The following RALYL variants were observed in gnomAD, a reference collection of about 807,000 sequenced individuals.
RALYL encodes the protein RNA-binding Raly-like protein.
A neutral mutation model predicts 35.1 loss-of-function variants in RALYL; 29 were observed. The observed-to-expected ratio is 0.83, with a 90% confidence interval of 0.61 to 1.13. The LOEUF is 1.13. Ranked by LOEUF, RALYL falls within the 50% of genes most tolerant of loss-of-function variation. The pLI, the probability that RALYL is intolerant of heterozygous loss-of-function variation, is 0.00. For synonymous variants in RALYL, 120 were observed against 127.6 expected, an observed-to-expected ratio of 0.94 and a Z score of 0.40; for missense variants, 359 against 360.4, an observed-to-expected ratio of 1.00 and a Z score of 0.03.
At chr8:84,843,202 G>T (rs1395283909) in intron 4 of RALYL, among the ~76,000 whole-genome samples, 1 of 152,148 alleles carries the variant, frequency 6.6e-6, no homozygotes, top group Non-Finnish European at 1.5e-5. Flanking sequence ...TGACATGATT[G>T]TATATCTAGA....
chr8:84,220,872 TTTA>T (rs1186754228), intron 1 of RALYL, among the ~76,000 whole-genome samples: 1 of 151,952 alleles, frequency 6.6e-6, no homozygotes, highest in Non-Finnish European at 1.5e-5. Flanking sequence ...ATATATTTAC[TTTA>T]TTAATATAAA....
chr8:84,645,721 A>G (rs574916956), intron 2 of RALYL, among the ~76,000 whole-genome samples: 72 of 152,180 alleles, frequency 4.7e-4, no homozygotes, highest in African/African-American at 1.6e-3. Flanking sequence ...AGGACACATA[A>G]GTGTGTGTTT....
At chr8:84,586,853 T>C (rs558953637) in intron 2 of RALYL, among the ~76,000 whole-genome samples, 2 of 152,308 alleles carry the variant, frequency 1.3e-5, no homozygotes, top group Admixed American at 1.3e-4. Flanking sequence ...CAACCATTGC[T>C]AAAGCACCAT....
intron 8 of RALYL, among the ~76,000 whole-genome samples, chr8:84,891,594 A>G (rs1339181047): frequency 6.6e-6 from 1 of 152,174 alleles, no homozygotes; most frequent in Non-Finnish European, 1.5e-5. Context: ...CCCTGGTATT[A>G]TCATTGGAGG....
chr8:84,752,160 G>A (rs1458398550), intron 2 of RALYL, among the ~76,000 whole-genome samples: 1 of 152,196 alleles, frequency 6.6e-6, no homozygotes, highest in South Asian at 2.1e-4. Flanking sequence ...ATTGGGAAGT[G>A]GAGCAAAGGT....
At chr8:84,687,506 T>A (rs1176598868) in intron 2 of RALYL, among the ~76,000 whole-genome samples, 2 of 152,116 alleles carry the variant, frequency 1.3e-5, no homozygotes, top group Non-Finnish European at 2.9e-5. Context: ...TTTATTATAG[T>A]TTCCGATCCT....
intron 2 of RALYL, among the ~76,000 whole-genome samples, chr8:84,753,579 G>A (rs1358012034): frequency 1.3e-5 from 2 of 152,120 alleles, no homozygotes; most frequent in African/African-American, 4.8e-5. Flanking sequence ...TGGATCATGG[G>A]GATGGCAGAT....
chr8:84,470,128 C>G (rs1272648504), intron 1 of RALYL, among the ~76,000 whole-genome samples: 2 of 152,206 alleles, frequency 1.3e-5, no homozygotes, highest in African/African-American at 4.8e-5. Context: ...GAGCTGTAGA[C>G]AGGAGCTGTT....
At chr8:84,196,291 A>T (rs1815255269) in intron 1 of RALYL, among the ~76,000 whole-genome samples, 1 of 152,170 alleles carries the variant, frequency 6.6e-6, no homozygotes, top group Non-Finnish European at 1.5e-5. Context: ...AGAGGGGAGA[A>T]AGGAAATGGA....
intron 1 of RALYL, among the ~76,000 whole-genome samples, chr8:84,424,019 T>A (rs1053601781): frequency 1.3e-5 from 2 of 151,946 alleles, no homozygotes; most frequent in African/African-American, 4.8e-5. Flanking sequence ...AATCTGACAA[T>A]TATGTGTCTT....
intron 1 of RALYL, among the ~76,000 whole-genome samples, chr8:84,508,803 C>G (rs2057378639): frequency 6.6e-6 from 1 of 151,860 alleles, no homozygotes; most frequent in Non-Finnish European, 1.5e-5. Flanking sequence ...CAGACTTCTG[C>G]TATTCCCCTT....
chr8:84,361,879 TAGA>T, intron 1 of RALYL, among the ~76,000 whole-genome samples: 1 of 152,284 alleles, frequency 6.6e-6, no homozygotes, highest in East Asian at 1.9e-4. Flanking sequence ...GTTGGTGTAG[TAGA>T]AGAAGCCCCT....
At chr8:84,752,245 T>G (rs534140936) in intron 2 of RALYL, among the ~76,000 whole-genome samples, 7 of 152,226 alleles carry the variant, frequency 4.6e-5, no homozygotes, top group Admixed American at 1.3e-4. Context: ...ACTTTGAACT[T>G]GAGAGTGATG....
At chr8:84,356,072 G>T (rs1364229498) in intron 1 of RALYL, among the ~76,000 whole-genome samples, 1 of 149,978 alleles carries the variant, frequency 6.7e-6, no homozygotes, top group Admixed American at 6.6e-5. Context: ...CTGCCACCTT[G>T]TGAAGAAGGT....
Position 84,862,350 on chromosome 8 carries a change from G to A in RALYL, c.468G>A (p.Leu156=), listed in dbSNP as rs539807503. 6.2e-7 allele frequency: 1 copy of A among 1,605,376 alleles called. No individual in the cohort carries two copies. Among genetic ancestry groups the A allele is most frequent in the South Asian group, 1.1e-5 (1 of 89,678 alleles). The change falls in exon 6 of 9, where the codon CTG becomes CTA. Residue 156 remains leucine, a synonymous_variant. Transcript: ENST00000521268. ...VPPPPRAVIP[L]KRPRVAVTTT... ...CACCTCCCCGTGCAGTAATTCCGCT[G>A]AAGCGTCCCAGAGTGGCAGTCACAA... is the stretch of plus-strand genomic sequence containing the variant.
intron 2 of RALYL, among the ~76,000 whole-genome samples, chr8:84,622,030 A>G (rs559142716): frequency 2.6e-5 from 4 of 152,352 alleles, no homozygotes; most frequent in Non-Finnish European, 5.9e-5. Flanking sequence ...CAATAATTTA[A>G]CTTAAATGTT....
chr8:84,808,587 C>A (rs1825213320), intron 4 of RALYL, among the ~76,000 whole-genome samples: 1 of 152,026 alleles, frequency 6.6e-6, no homozygotes, highest in African/African-American at 2.4e-5. Flanking sequence ...TTGTAGATTG[C>A]TTTTGGCAGT....
Position 84,223,058 on chromosome 8 carries a change from C to G in RALYL, c.-24+38634C>G, listed in dbSNP as rs187432383. Among the ~76,000 whole-genome samples the G allele has an allele frequency of 5.9e-3, 901 of 151,720 alleles. 3 individuals are homozygous for G. Among genetic ancestry groups the G allele is most frequent in the South Asian group, 0.013 (60 of 4,778 alleles). Reference sequence around the variant, plus strand: ...GGAAATGAGTCTTCTTATCTTGCTTCCCTTTCTCTCTCCCTTTGCCCTGCC... The same window carrying G: ...GGAAATGAGTCTTCTTATCTTGCTTGCCTTTCTCTCTCCCTTTGCCCTGCC... On this transcript the variant is annotated intron_variant, in intron 1 of 8. Coordinates refer to ENST00000521268, the MANE Select transcript of RALYL (RefSeq NM_173848.7).
At chr8:84,547,503 C>T (rs1233423859) in intron 2 of RALYL, among the ~76,000 whole-genome samples, 1 of 151,942 alleles carries the variant, frequency 6.6e-6, no homozygotes, top group Non-Finnish European at 1.5e-5. Context: ...CCTCAGCCTC[C>T]CGAGGAGCTG....
Sources: gnomAD v4.1 joint callset for allele counts (sites outside exome capture counted in the v4.1 genomes callset) on GRCh38, gnomAD v4.1.1 for gene constraint, MANE v1.5 for transcripts, NCBI Gene and HGNC (gene_info 2026-07-23, HGNC 2026-07-21) for gene names.